Variants in ANKS1B observed in about 807,000 individuals in gnomAD.
The protein encoded by ANKS1B is ankyrin repeat and sterile alpha motif domain-containing protein 1B.
In ANKS1B, 36 loss-of-function variants were observed where a neutral mutation model predicts 148.3. The observed-to-expected ratio is 0.24, with a 90% CI of 0.19 to 0.32. ANKS1B has a LOEUF of 0.32. ANKS1B is among the 10% of genes least tolerant of loss of function. ANKS1B has a pLI of 1.00. For missense variants in ANKS1B, 1,157 were observed against 1,542.6 expected, an observed-to-expected ratio of 0.75 and a Z score of 4.19; for synonymous variants, 542 against 560.8, an observed-to-expected ratio of 0.97 and a Z score of 0.47.
At chr12:99,212,357 GAT>G (rs1491218910) in intron 14 of ANKS1B, among the ~76,000 whole-genome samples, 1 of 52,224 alleles carries the variant, frequency 1.9e-5, no homozygotes, top group African/African-American at 9.5e-5. Flanking sequence ...CACGTGTAGA[GAT>G]TTTTTTTTTT....
intron 4 of ANKS1B, among the ~76,000 whole-genome samples, chr12:99,795,202 A>C (rs1393752683): frequency 6.6e-6 from 1 of 151,882 alleles, no homozygotes; most frequent in Non-Finnish European, 1.5e-5. Context: ...AGATAAATGA[A>C]AAGAATACAT....
At chr12:99,348,200 G>T (rs143866906) in intron 12 of ANKS1B, among the ~76,000 whole-genome samples, 3 of 151,816 alleles carry the variant, frequency 2.0e-5, no homozygotes, top group African/African-American at 7.2e-5. Context: ...GCAACCTTTG[G>T]GATATCATTA....
At chr12:99,780,626 C>A (rs867199058) in intron 5 of ANKS1B, among the ~76,000 whole-genome samples, 16 of 152,124 alleles carry the variant, frequency 1.1e-4, no homozygotes, top group African/African-American at 3.9e-4. Flanking sequence ...CTCAACAGCA[C>A]ACTATCACAC....
intron 1 of ANKS1B, among the ~76,000 whole-genome samples, chr12:99,928,776 G>C (rs931567295): frequency 1.4e-4 from 22 of 152,278 alleles, no homozygotes; most frequent in Non-Finnish European, 2.5e-4. Flanking sequence ...TAGTCACAAA[G>C]GGTATAAACC....
intron 9 of ANKS1B, among the ~76,000 whole-genome samples, chr12:99,512,554 T>C (rs924410579): frequency 6.6e-6 from 1 of 152,148 alleles, no homozygotes; most frequent in African/African-American, 2.4e-5. Flanking sequence ...TTATTGGGTA[T>C]ATACCCAAAG....
At chr12:99,845,341 A>C (rs2086473515) in intron 1 of ANKS1B, among the ~76,000 whole-genome samples, 1 of 152,172 alleles carries the variant, frequency 6.6e-6, no homozygotes. Context: ...TTGCTCACTC[A>C]GTATAATATT....
intron 17 of ANKS1B, among the ~76,000 whole-genome samples, chr12:98,909,690 A>C (rs945130431): frequency 2.0e-5 from 3 of 152,246 alleles, no homozygotes; most frequent in Non-Finnish European, 4.4e-5. Context: ...TCCCTTAGAT[A>C]ACTGTAGGGT....
At chr12:99,799,042 C>G (rs905172540) in intron 4 of ANKS1B, among the ~76,000 whole-genome samples, 11 of 152,048 alleles carry the variant, frequency 7.2e-5, no homozygotes, top group Non-Finnish European at 1.5e-4. Flanking sequence ...AGCTTCTATC[C>G]GCTATCTTAC....
At chr12:99,824,497 C>T (rs578238160) in intron 2 of ANKS1B, among the ~76,000 whole-genome samples, 3 of 146,278 alleles carry the variant, frequency 2.1e-5, no homozygotes, top group South Asian at 2.1e-4. Flanking sequence ...GAGACTCTGT[C>T]TCAAAAAAAA....
rs2083054452 is a variant in ANKS1B, at chr12:99,825,354, C to CTG, written c.168_169dup (p.Ser57ThrfsTer13). The CTG allele has an allele frequency of 6.2e-7, 1 of 1,612,498 alleles. No individual in the cohort carries two copies. The highest frequency in any genetic ancestry group is 1.3e-5 in the African/African-American group (1 of 74,918). On this transcript the variant is annotated frameshift_variant, in exon 2 of 27. Transcript: ENST00000683438. LOFTEE classifies it high-confidence loss of function. Reference sequence around the variant, plus strand: ...GTGGTGTAAAGCAGTGTAACCCGAACTGTCTGTGCAGTTCACATTGGGGCC... The same window carrying CTG: ...GTGGTGTAAAGCAGTGTAACCCGAACTGTGTCTGTGCAGTTCACATTGGGGCC...
At chr12:99,128,237 A>T (rs2153743989) in intron 15 of ANKS1B, among the ~76,000 whole-genome samples, 1 of 152,290 alleles carries the variant, frequency 6.6e-6, no homozygotes, top group South Asian at 2.1e-4. Flanking sequence ...TATTTTATAG[A>T]TGAAAACTGG....
rs541593090 is a variant in ANKS1B, at chr12:99,586,567, T to C, written c.1272+68500A>G. 2.5e-4 allele frequency among the ~76,000 whole-genome samples: 38 copies of C among 152,284 alleles called. 1 individual carries two copies. The highest frequency in any genetic ancestry group is 7.5e-4 in the African/African-American group (31 of 41,546). ...ACTGTTCCAACCTCTGCCTGTAAGT[T>C]ACTTCCACATTTTTGAGTATCTTTA... On this transcript the variant is annotated intron_variant, in intron 9 of 26. Coordinates refer to ENST00000683438, the MANE Select transcript of ANKS1B (RefSeq NM_001352186.2).
chr12:99,323,942 G>T (rs1048563522), intron 12 of ANKS1B, among the ~76,000 whole-genome samples: 1 of 151,976 alleles, frequency 6.6e-6, no homozygotes, highest in African/African-American at 2.4e-5. Flanking sequence ...TATCTCATTT[G>T]TTTTTTGAGG....
chr12:99,886,309 A>G (rs1216849951), intron 1 of ANKS1B, among the ~76,000 whole-genome samples: 1 of 152,240 alleles, frequency 6.6e-6, no homozygotes, highest in Non-Finnish European at 1.5e-5. Flanking sequence ...CTTTCATGAA[A>G]TGGTAAGCTC....
intron 10 of ANKS1B, among the ~76,000 whole-genome samples, chr12:99,459,499 C>G (rs562498447): frequency 4.6e-5 from 7 of 152,028 alleles, no homozygotes; most frequent in Admixed American, 1.3e-4. Context: ...TGATCACATA[C>G]CTAGGAAACC....
chr12:99,364,581 A>G (rs1056857592), intron 12 of ANKS1B, among the ~76,000 whole-genome samples: 40 of 152,152 alleles, frequency 2.6e-4, no homozygotes, highest in Admixed American at 2.0e-4. Context: ...TGCATCATCT[A>G]TCATGCACCC....
At chr12:99,919,355 T>A (rs1217097377) in intron 1 of ANKS1B, among the ~76,000 whole-genome samples, 3 of 152,186 alleles carry the variant, frequency 2.0e-5, no homozygotes, top group African/African-American at 7.2e-5. Context: ...CCATCTAGCA[T>A]CCAGCAGCTA....
chr12:99,033,671 A>T (rs2099953708), intron 17 of ANKS1B, among the ~76,000 whole-genome samples: 1 of 152,088 alleles, frequency 6.6e-6, no homozygotes, highest in South Asian at 2.1e-4. Flanking sequence ...CTCAAAAAAA[A>T]AAAAAGTAAC....
intron 12 of ANKS1B, among the ~76,000 whole-genome samples, chr12:99,337,324 T>C (rs1216718419): frequency 6.6e-6 from 1 of 152,048 alleles, no homozygotes; most frequent in Non-Finnish European, 1.5e-5. Flanking sequence ...ATTTTTCTGC[T>C]CCAGAATTTT....
Sources: gnomAD v4.1 joint callset for allele counts (sites outside exome capture counted in the v4.1 genomes callset) on GRCh38, gnomAD v4.1.1 for gene constraint, MANE v1.5 for transcripts, NCBI Gene and HGNC (gene_info 2026-07-23, HGNC 2026-07-21) for gene names.